RAB29: variants seen among roughly 807,000 people sequenced by gnomAD.
RAB29 encodes ras-related protein Rab-29.
A neutral mutation model predicts 25.5 loss-of-function variants in RAB29; 13 were observed. The ratio of observed to expected loss-of-function variants is 0.51; its 90% CI spans 0.33 to 0.81. RAB29 has a LOEUF of 0.81. RAB29 is among the 30% of genes least tolerant of loss of function. The pLI, the probability that RAB29 is intolerant of heterozygous loss-of-function variation, is 0.02. For synonymous variants in RAB29, 88 were observed against 95.0 expected (o/e 0.93, Z 0.43); for missense variants, 201 against 254.9 (o/e 0.79, Z 1.44).
At chr1:205,772,373 A>G in intron 3 of RAB29, 123 bp downstream of exon 3, 1 of 988,980 alleles carries the variant, frequency 1.0e-6, no homozygotes, top group Non-Finnish European at 1.6e-6. Context: ...GTGTCCTCAG[A>G]GCAGCTCAAT....
In RAB29 at chr1:205,772,544, G is replaced by C; in HGVS notation, c.148C>G (p.Gln50Glu). ...CGCACTATCTCGTAGTCAGACCACT[G>C]GAGAACCTTCAGAGCAAAATCCACT... is the stretch of plus-strand genomic sequence containing the variant. Reference protein sequence around the residue: ...VGVDFALKVLQWSDYEIVRLQ... With the variant: ...VGVDFALKVLEWSDYEIVRLQ... Residue 50 changes from glutamine (Q) to glutamate (E), a missense_variant, in exon 3 of 6, where the codon CAG becomes GAG. Gln to Glu is a conservative substitution (Grantham distance 29). Coordinates refer to ENST00000367139, the MANE Select transcript of RAB29 (RefSeq NM_003929.3). 1 of 1,613,778 alleles carries C rather than the reference G, an allele frequency of 6.2e-7. No individual in the cohort carries two copies. The highest frequency in any genetic ancestry group is 8.5e-7 in the Non-Finnish European group (1 of 1,179,844).
intron 2 of RAB29, among the ~76,000 whole-genome samples, chr1:205,774,301 C>A (rs1000335662): frequency 2.6e-5 from 4 of 152,228 alleles, no homozygotes; most frequent in Non-Finnish European, 4.4e-5. Context: ...TCTTCCATCC[C>A]ACCCACAGCC....
Position 205,774,815 on chromosome 1 carries a change from A to T in RAB29, c.124+18T>A, listed in dbSNP as rs762792225. The T allele has an allele frequency of 6.9e-6, 3 of 435,086 alleles. No individual in the cohort carries two copies. The highest frequency in any genetic ancestry group is 6.1e-5 in the East Asian group (1 of 16,432). The allele number at this position is 435,086 out of a possible 1,614,324, so 27.0% of individuals were successfully genotyped here. A position where few individuals can be genotyped will look rare whatever the true frequency, so the allele number is the denominator to read the frequency against. The stretch of plus-strand genomic sequence containing the variant: ...CCTCCTCCTCCCCCTCCCCCTCCCC[A>T]CCCCCGAGACGTCTCACCTCCCACC... On this transcript the variant is annotated intron_variant, in intron 2 of 5. Transcript: ENST00000367139.
Position 205,770,347 on chromosome 1 carries a change from A to T in RAB29, c.607T>A (p.Cys203Ser). Reference protein sequence around the residue: ...LQTKSSSWSCC With the variant: ...LQTKSSSWSCS ...GGAAAATAAGCCAAACACTACTAGC[A>T]GCAGGACCAGCTGGAGGACTTGGTT... Residue 203 changes from cysteine (C) to serine (S), a missense_variant, in exon 6 of 6, where the codon TGC (cysteine) becomes AGC (serine). Physicochemically the swap from Cys to Ser is moderately radical, Grantham distance 112 (BLOSUM62 -1). Coordinates refer to ENST00000367139, the MANE Select transcript of RAB29 (RefSeq NM_003929.3). 1 of 1,612,836 alleles carries T rather than the reference A, an allele frequency of 6.2e-7. No homozygotes were observed. Among genetic ancestry groups the T allele is most frequent in the Non-Finnish European group, 8.5e-7 (1 of 1,178,776 alleles).
In RAB29 at chr1:205,768,343, T is replaced by G. The variant is rs979754404; in HGVS notation, c.*1999A>C. 3 of 152,184 alleles carry G rather than the reference T, an allele frequency of 2.0e-5. No individual in the cohort carries two copies. Among genetic ancestry groups the G allele is most frequent in the Non-Finnish European group, 4.4e-5 (3 of 68,038 alleles). The allele number at this position is 152,184 out of a possible 1,614,324, so 9.4% of individuals were successfully genotyped here. ...AGAATATATAGAAACCCAGGATTTG[T>G]ATTTGTATTTAAATGTAAATACAAA... On this transcript the variant is annotated 3_prime_UTR_variant, in exon 6 of 6. Transcript: ENST00000367139.
At chr1:205,775,178 C>T in intron 1 of RAB29, 92 bp from the exon 2 acceptor site, 3 of 531,940 alleles carry the variant, frequency 5.6e-6, no homozygotes, top group Non-Finnish European at 9.7e-6. Flanking sequence ...GGGCGCAGGG[C>T]GCGAGCTCCG....
rs1655251852 is a variant in RAB29 at position 205,775,102 on chromosome 1, A to G, written c.-130-16T>C. The G allele has an allele frequency of 1.1e-5, 12 of 1,120,120 alleles. No individual in the cohort carries two copies. The highest frequency in any genetic ancestry group is 2.6e-5 in the East Asian group (1 of 38,152). 69.4% of individuals were successfully genotyped at this position (1,120,120 alleles called of 1,614,324 possible). A position where few individuals can be genotyped will look rare whatever the true frequency, so the allele number is the denominator to read the frequency against. ...CCTGTCTGGGCTGCTCTGACGAGAAAGCAAAAAAGGAAACTTTGCACTCAA... is the reference window on the plus strand; with the variant it reads ...CCTGTCTGGGCTGCTCTGACGAGAAGGCAAAAAAGGAAACTTTGCACTCAA... On this transcript the variant is annotated splice_polypyrimidine_tract_variant and intron_variant, in intron 1 of 5. Coordinates refer to ENST00000367139, the MANE Select transcript of RAB29 (RefSeq NM_003929.3).
chr1:205,771,312 A>AAG (rs1491044896), intron 4 of RAB29, 160 bp downstream of exon 4: 5 of 446,198 alleles, frequency 1.1e-5, no homozygotes, highest in African/African-American at 3.4e-5. Flanking sequence ...AAAAAAAAAA[A>AAG]GAAAGAAAGT....
At chr1:205,774,192 G>T (rs1036842535) in intron 2 of RAB29, among the ~76,000 whole-genome samples, 6 of 152,216 alleles carry the variant, frequency 3.9e-5, no homozygotes, top group African/African-American at 1.4e-4. Flanking sequence ...AGAATTCCTT[G>T]GTTACCTTTA....
chr1:205,773,321 GA>G (rs11286094), intron 2 of RAB29, among the ~76,000 whole-genome samples: 133,576 of 151,990 alleles, frequency 0.88, 59,729 homozygotes, highest in Non-Finnish European at 0.97. Flanking sequence ...ACTAAACACT[GA>G]AAAAAAAATT....
At position 205,772,483 on chromosome 1, in the gene RAB29, C is replaced by A; in HGVS notation, c.196+13G>T. The A allele has an allele frequency of 6.2e-7, 1 of 1,612,320 alleles. No individual in the cohort carries two copies. On this transcript the variant is annotated intron_variant, in intron 3 of 5. Coordinates refer to ENST00000367139, the MANE Select transcript of RAB29 (RefSeq NM_003929.3). ...ATTTCTTCCCTTGTTCCTATCTAGCCCTCCCACTTTACCTGCAATATCCCA... is the reference window on the plus strand; with the variant it reads ...ATTTCTTCCCTTGTTCCTATCTAGCACTCCCACTTTACCTGCAATATCCCA...
intron 3 of RAB29, 151 bp from the exon 4 acceptor site, chr1:205,771,804 G>A: frequency 1.2e-6 from 1 of 807,554 alleles, no homozygotes; most frequent in Non-Finnish European, 2.1e-6. Context: ...GGATAATGAA[G>A]CCCAATTATT....
In RAB29 at chr1:205,770,415, T is replaced by A. The variant is rs754472557; in HGVS notation, c.539A>T (p.Asp180Val). 11 of 1,614,190 alleles carry A rather than the reference T, an allele frequency of 6.8e-6. No homozygotes were observed. The East Asian group carries it at 8.9e-5, about 13-fold the overall frequency. The change falls in exon 6 of 6, where the codon GAT becomes GTT. Residue 180 changes from aspartate to valine, a missense_variant. Asp to Val is a radical substitution (Grantham distance 152, BLOSUM62 -3). Transcript: ENST00000367139. ...IEKMMRNSTE[D>V]IMSLSTQGDY... ...CCCTTGGGTGGACAAAGACATGATA[T>A]CTTCTGTGGAATTTCTCATCATCTT... is the stretch of plus-strand genomic sequence containing the variant.
chr1:205,770,165 G>A lies in RAB29; in HGVS notation c.*177C>T. The A allele has an allele frequency of 1.6e-6, 1 of 632,220 alleles. No homozygotes were observed. Among genetic ancestry groups the A allele is most frequent in the South Asian group, 1.9e-5 (1 of 53,632 alleles). 39.2% of individuals were successfully genotyped at this position (632,220 alleles called of 1,614,324 possible). ...AGCAACATGTGAAAGGCTAATCCAG[G>A]AGATGCAGAAATGCACATGGGTTCC... On this transcript the variant is annotated 3_prime_UTR_variant, in exon 6 of 6. Coordinates refer to ENST00000367139, the MANE Select transcript of RAB29 (RefSeq NM_003929.3).
chr1:205,774,484 G>T (rs1454925581), intron 2 of RAB29, among the ~76,000 whole-genome samples: 2 of 152,232 alleles, frequency 1.3e-5, no homozygotes, highest in African/African-American at 2.4e-5. Flanking sequence ...TGATTGGAGA[G>T]ATTTGCCGGA....
chr1:205,775,116 CTT>C, intron 1 of RAB29, 30 bp from the exon 2 acceptor site: 1 of 982,792 alleles, frequency 1.0e-6, no homozygotes, highest in Non-Finnish European at 1.5e-6. Context: ...AAAAAGGAAA[CTT>C]TGCACTCAAC....
intron 2 of RAB29, among the ~76,000 whole-genome samples, chr1:205,773,563 C>A (rs768029184): frequency 2.2e-4 from 34 of 152,188 alleles, no homozygotes; most frequent in Non-Finnish European, 4.7e-4. Context: ...GTTGCCCAGG[C>A]TACAGTGCAG....
rs898887094 is a variant in RAB29 at position 205,770,111 on chromosome 1, G to A, written c.*231C>T. On this transcript the variant is annotated 3_prime_UTR_variant, in exon 6 of 6. Transcript: ENST00000367139. ...AGGGCTGATGAGAAGATCTTACACC[G>A]AAGGCACTAACTGGCACTAATGTGA... 25 of 565,572 alleles carry A rather than the reference G, an allele frequency of 4.4e-5. No individual in the cohort carries two copies. The highest frequency in any genetic ancestry group is 2.4e-4 in the East Asian group (8 of 33,504). 35.0% of individuals were successfully genotyped at this position (565,572 alleles called of 1,614,324 possible). A position where few individuals can be genotyped will look rare whatever the true frequency, so the allele number is the denominator to read the frequency against.
At position 205,772,499 on chromosome 1, in the gene RAB29, C is replaced by A. The variant is rs779238246; in HGVS notation, c.193G>T (p.Ala65Ser). Residue 65 changes from alanine (A) to serine (S), a missense_variant, in exon 3 of 6, where the codon GCA (alanine) becomes TCA (serine). Coordinates refer to ENST00000367139, the MANE Select transcript of RAB29 (RefSeq NM_003929.3). ...EIVRLQLWDI[A>S]GQERFTSMTR... ...CTATCTAGCCCTCCCACTTTACCTG[C>A]AATATCCCACAGCTGAAGCCGCACT... 1.9e-6 allele frequency: 3 copies of A among 1,613,694 alleles called. No homozygotes were observed. Among genetic ancestry groups the A allele is most frequent in the Non-Finnish European group, 2.5e-6 (3 of 1,179,748 alleles).
Sources: allele counts gnomAD v4.1 joint callset (sites outside exome capture counted in the v4.1 genomes callset), GRCh38; gene constraint gnomAD v4.1.1; transcripts MANE v1.5; gene names NCBI Gene and HGNC (gene_info 2026-07-23, HGNC 2026-07-21).